The following AGFG1 variants were observed in gnomAD, a reference collection of about 807,000 sequenced individuals.
AGFG1 encodes the protein arf-GAP domain and FG repeat-containing protein 1.
In AGFG1, 10 loss-of-function variants were observed where a neutral mutation model predicts 60.6. The observed-to-expected ratio is 0.16, with a 90% CI of 0.10 to 0.28. AGFG1 has a LOEUF of 0.28. Ranked by LOEUF, AGFG1 falls within the 10% of genes least tolerant of loss-of-function variation. The pLI is 1.00. For missense variants in AGFG1, 537 were observed against 676.5 expected, an observed-to-expected ratio of 0.79 and a Z score of 2.29; for synonymous variants, 247 against 242.9, an observed-to-expected ratio of 1.02 and a Z score of -0.16.
chr2:227,534,266 A>G (rs1462332077), intron 7 of AGFG1, among the ~76,000 whole-genome samples: 1 of 152,138 alleles, frequency 6.6e-6, no homozygotes, highest in Non-Finnish European at 1.5e-5. Flanking sequence ...GTGTTGCTAA[A>G]TGGAATTCTC....
At chr2:227,481,065 ATT>A (rs1481675169) in intron 1 of AGFG1, among the ~76,000 whole-genome samples, 3 of 88,344 alleles carry the variant, frequency 3.4e-5, no homozygotes, top group Non-Finnish European at 2.4e-5. Flanking sequence ...ATATTGAAGT[ATT>A]TTGGTGTAGG....
chr2:227,542,479 T>G (rs1231818733), intron 10 of AGFG1, among the ~76,000 whole-genome samples: 5 of 152,232 alleles, frequency 3.3e-5, no homozygotes, highest in Admixed American at 2.6e-4. Flanking sequence ...TTGCATATGT[T>G]GAACCAGCCT....
chr2:227,507,602 C>CAAAAAA (rs1162277041), intron 2 of AGFG1, among the ~76,000 whole-genome samples: 2,225 of 61,514 alleles, frequency 0.036, 188 homozygotes, highest in Non-Finnish European at 0.049. Flanking sequence ...GACTCTGTCT[C>CAAAAAA]AAAAAAAAAA....
intron 3 of AGFG1, among the ~76,000 whole-genome samples, chr2:227,521,488 A>G (rs773183905): frequency 2.6e-5 from 4 of 152,240 alleles, no homozygotes; most frequent in Non-Finnish European, 4.4e-5. Flanking sequence ...GAAAGAAGAA[A>G]ATACTAGAAG....
intron 6 of AGFG1, among the ~76,000 whole-genome samples, chr2:227,531,483 C>T (rs1051559792): frequency 6.7e-6 from 1 of 150,192 alleles, no homozygotes; most frequent in African/African-American, 2.5e-5. Context: ...GCACACAGGA[C>T]AGAGGCATGA....
intron 2 of AGFG1, among the ~76,000 whole-genome samples, chr2:227,508,976 C>G (rs1411563903): frequency 6.6e-6 from 1 of 151,932 alleles, no homozygotes; most frequent in Non-Finnish European, 1.5e-5. Context: ...AGAATGTTAC[C>G]TGACATGATA....
intron 2 of AGFG1, among the ~76,000 whole-genome samples, chr2:227,500,129 G>A (rs1337607702): frequency 6.6e-6 from 1 of 152,178 alleles, no homozygotes; most frequent in Non-Finnish European, 1.5e-5. Context: ...AGGCCCTCCA[G>A]CCTCATAGGT....
chr2:227,503,099 G>A (rs555153377), intron 2 of AGFG1, among the ~76,000 whole-genome samples: 2 of 152,142 alleles, frequency 1.3e-5, no homozygotes, highest in East Asian at 3.9e-4. Context: ...CAGGCATGGT[G>A]GTGTGCACCT....
chr2:227,502,919 C>T (rs531093639), intron 2 of AGFG1, among the ~76,000 whole-genome samples: 1 of 152,120 alleles, frequency 6.6e-6, no homozygotes, highest in South Asian at 2.1e-4. Context: ...CTCGGTGTTG[C>T]TTTGGAGTCT....
chr2:227,532,912 A>G (rs1255645601), intron 6 of AGFG1, among the ~76,000 whole-genome samples: 2 of 152,002 alleles, frequency 1.3e-5, no homozygotes, highest in Non-Finnish European at 2.9e-5. Flanking sequence ...AAAAATTGCT[A>G]TAATGTATTA....
At chr2:227,524,265 A>G (rs1691915025) in intron 4 of AGFG1, among the ~76,000 whole-genome samples, 2 of 152,058 alleles carry the variant, frequency 1.3e-5, no homozygotes, top group Non-Finnish European at 1.5e-5. Context: ...TGACCATCAG[A>G]GTTAGAATGT....
At chr2:227,544,411 C>T (rs912183365) in intron 10 of AGFG1, among the ~76,000 whole-genome samples, 6 of 152,114 alleles carry the variant, frequency 3.9e-5, no homozygotes, top group South Asian at 2.1e-4. Context: ...GTCTTGGCCT[C>T]CCAAAGTCAG....
At chr2:227,498,505 C>G (rs1296258383) in intron 2 of AGFG1, among the ~76,000 whole-genome samples, 1 of 152,164 alleles carries the variant, frequency 6.6e-6, no homozygotes, top group African/African-American at 2.4e-5. Flanking sequence ...CATATTTATG[C>G]ACGTCTGGCC....
At chr2:227,548,834 G>A (rs967852867) in intron 10 of AGFG1, among the ~76,000 whole-genome samples, 1 of 152,184 alleles carries the variant, frequency 6.6e-6, no homozygotes, top group African/African-American at 2.4e-5. Context: ...CTACTTGGGA[G>A]GCTGAGGCAG....
chr2:227,529,563 GC>G (rs904808260), intron 5 of AGFG1, among the ~76,000 whole-genome samples: 1 of 152,100 alleles, frequency 6.6e-6, no homozygotes, highest in Admixed American at 6.6e-5. Flanking sequence ...GATGTGTGTT[GC>G]TGGGTGGGGT....
Position 227,533,695 on chromosome 2 carries a change from T to A in AGFG1, c.961T>A (p.Leu321Ile). The A allele has an allele frequency of 6.2e-7, 1 of 1,613,824 alleles. No homozygotes were observed. Among genetic ancestry groups the A allele is most frequent in the Non-Finnish European group, 8.5e-7 (1 of 1,179,820 alleles). The change falls in exon 7 of 13, where the codon TTA (leucine) becomes ATA (isoleucine). Residue 321 changes from leucine (L) to isoleucine (I), a missense_variant. Leu to Ile is a conservative substitution (Grantham distance 5). Around this residue, in one of 4 missense-constraint regions of AGFG1, gnomAD observed 287 missense variants for 343.6 expected, o/e 0.84. Coordinates refer to ENST00000310078, the MANE Select transcript of AGFG1 (RefSeq NM_004504.5). ...TAAAGTTTCAACGAACAAAGCTGGT[T>A]TACAGACTGCAGACAAATATGCAGC... ...VSKVSTNKAG[L>I]QTADKYAALA...
intron 2 of AGFG1, among the ~76,000 whole-genome samples, chr2:227,493,135 T>C (rs1307953821): frequency 1.3e-5 from 2 of 152,100 alleles, no homozygotes; most frequent in African/African-American, 4.8e-5. Flanking sequence ...TCCAAAACAA[T>C]ACCAAGATTG....
chr2:227,525,297 CAT>C (rs1559187325), intron 5 of AGFG1, among the ~76,000 whole-genome samples: 1 of 152,142 alleles, frequency 6.6e-6, no homozygotes, highest in Non-Finnish European at 1.5e-5. Context: ...AAATTTTAGA[CAT>C]AGTATTAGTT....
At chr2:227,510,670 A>C (rs1467334787) in intron 2 of AGFG1, 1 of 152,122 alleles carries the variant, frequency 6.6e-6, no homozygotes, top group Non-Finnish European at 1.5e-5. Context: ...GCTGTCTGCA[A>C]ATCTGTTTTT....
Sources: gnomAD v4.1 joint callset for allele counts (sites outside exome capture counted in the v4.1 genomes callset) on GRCh38, gnomAD v4.1.1 for gene constraint, gnomAD v4.1.1 regional missense constraint, MANE v1.5 for transcripts, NCBI Gene and HGNC (gene_info 2026-07-23, HGNC 2026-07-21) for gene names.